HCN1: variants seen among roughly 807,000 people sequenced by gnomAD.
The protein encoded by HCN1 is potassium/sodium hyperpolarization-activated cyclic nucleotide-gated channel 1.
Under a neutral mutation model 78.9 loss-of-function variants are expected in HCN1, and 13 were observed. That is an observed-to-expected ratio of 0.16 (90% CI 0.11 to 0.26). The LOEUF (loss-of-function observed/expected upper bound fraction) is 0.26. HCN1 is among the 10% of genes least tolerant of loss of function. The pLI, the probability that HCN1 is intolerant of heterozygous loss-of-function variation, is 1.00. For missense variants in HCN1, 810 were observed against 1,154.3 expected, an observed-to-expected ratio of 0.70 and a Z score of 4.32; for synonymous variants, 552 against 455.5, an observed-to-expected ratio of 1.21 and a Z score of -2.70.
In HCN1 at chr5:45,257,536, G is replaced by A. The variant is rs1161302674; in HGVS notation, c.*4385C>T. The A allele has an allele frequency of 6.6e-6, 1 of 152,146 alleles. No individual in the cohort carries two copies. Among genetic ancestry groups the A allele is most frequent in the Non-Finnish European group, 1.5e-5 (1 of 68,030 alleles). The allele number at this position is 152,146 out of a possible 1,614,324, so 9.4% of individuals were successfully genotyped here. A position where few individuals can be genotyped will look rare whatever the true frequency, so the allele number is the denominator to read the frequency against. ...TCAAGGTGGGATGCGGGGAGTGTCAGCAAGGCTTCTCTCATTAAAAAACCT... is the reference window on the plus strand; with the variant it reads ...TCAAGGTGGGATGCGGGGAGTGTCAACAAGGCTTCTCTCATTAAAAAACCT... On this transcript the variant is annotated 3_prime_UTR_variant, in exon 8 of 8. Coordinates refer to ENST00000303230, the MANE Select transcript of HCN1 (RefSeq NM_021072.4).
chr5:45,636,313 C>T (rs1745356057), intron 2 of HCN1, among the ~76,000 whole-genome samples: 1 of 152,182 alleles, frequency 6.6e-6, no homozygotes, highest in Admixed American at 6.5e-5. Context: ...AAGCACATCA[C>T]AAATTTTGTC....
At chr5:45,487,420 T>G (rs1183264850) in intron 2 of HCN1, among the ~76,000 whole-genome samples, 1 of 152,020 alleles carries the variant, frequency 6.6e-6, no homozygotes, top group African/African-American at 2.4e-5. Context: ...ATTTAAAAGG[T>G]TAGTAGGATG....
chr5:45,361,795 T>C (rs948863933), intron 4 of HCN1, among the ~76,000 whole-genome samples: 1 of 152,166 alleles, frequency 6.6e-6, no homozygotes. Context: ...TATTATGTTT[T>C]TATTTTATAA....
intron 2 of HCN1, among the ~76,000 whole-genome samples, chr5:45,641,067 G>A (rs1580012872): frequency 6.6e-6 from 1 of 152,148 alleles, no homozygotes; most frequent in South Asian, 2.1e-4. Flanking sequence ...GATTTGATGT[G>A]ATAAGCAATA....
intron 2 of HCN1, among the ~76,000 whole-genome samples, chr5:45,511,896 G>A (rs1038458705): frequency 2.6e-5 from 4 of 152,006 alleles, no homozygotes; most frequent in African/African-American, 9.7e-5. Flanking sequence ...ACTATGCACA[G>A]TATATGAAAA....
At chr5:45,589,933 C>A (rs1241296453) in intron 2 of HCN1, among the ~76,000 whole-genome samples, 1 of 152,140 alleles carries the variant, frequency 6.6e-6, no homozygotes, top group African/African-American at 2.4e-5. Flanking sequence ...ACTGCAGCTT[C>A]CTTATCCTTG....
intron 2 of HCN1, among the ~76,000 whole-genome samples, chr5:45,477,749 T>A (rs1420948840): frequency 6.6e-6 from 1 of 151,970 alleles, no homozygotes; most frequent in Non-Finnish European, 1.5e-5. Context: ...TAGAAAATAA[T>A]GTAAAGGGCA....
intron 2 of HCN1, among the ~76,000 whole-genome samples, chr5:45,610,044 A>T (rs1179999627): frequency 1.3e-5 from 2 of 152,324 alleles, no homozygotes; most frequent in Non-Finnish European, 2.9e-5. Flanking sequence ...CCCGCAGAAG[A>T]TAGTAACTCA....
chr5:45,560,992 G>A (rs1014117107), intron 2 of HCN1, among the ~76,000 whole-genome samples: 51 of 152,028 alleles, frequency 3.4e-4, no homozygotes, highest in Middle Eastern at 6.3e-3. Context: ...TATTCAGGAT[G>A]TGCAATTCAA....
intron 3 of HCN1, among the ~76,000 whole-genome samples, chr5:45,441,139 G>T (rs1382559590): frequency 6.6e-6 from 1 of 152,086 alleles, no homozygotes; most frequent in African/African-American, 2.4e-5. Context: ...CTTGACCCAG[G>T]TTACAGTATT....
Position 45,583,493 on chromosome 5 carries a change from G to T in HCN1, c.849+61692C>A, listed in dbSNP as rs1744133031. 3.3e-5 allele frequency among the ~76,000 whole-genome samples: 5 copies of T among 152,052 alleles called. No homozygotes were observed. The South Asian group carries it at 1.0e-3, about 32-fold the overall frequency. ...AAAAACCAGCTTCTGGATTGATTGA[G>T]TTTTTGAAGGGTTTTTTGTGTCTCT... is the stretch of plus-strand genomic sequence containing the variant. On this transcript the variant is annotated intron_variant, in intron 2 of 7. Transcript: ENST00000303230.
At chr5:45,285,398 T>C (rs1351338969) in intron 6 of HCN1, among the ~76,000 whole-genome samples, 1 of 152,004 alleles carries the variant, frequency 6.6e-6, no homozygotes, top group Non-Finnish European at 1.5e-5. Context: ...ATTTTCACTC[T>C]TCTTATATTA....
chr5:45,262,162 G>A lies in HCN1; in HGVS notation c.2432C>T (p.Ser811Phe), dbSNP rs967232218. The A allele has an allele frequency of 1.9e-6, 3 of 1,613,866 alleles. No homozygotes were observed. The highest frequency in any genetic ancestry group is 4.5e-5 in the East Asian group (2 of 44,880). ...ISRPHPTVGE[S>F]LASIPQPVTA... ...CACGGGTTGAGGGATGGAGGCCAGGGACTCGCCCACAGTGGGATGAGGTCT... is the reference window on the plus strand; with the variant it reads ...CACGGGTTGAGGGATGGAGGCCAGGAACTCGCCCACAGTGGGATGAGGTCT... The change falls in exon 8 of 8, where the codon TCC becomes TTC. Residue 811 changes from serine to phenylalanine, a missense_variant. Ser to Phe is a radical substitution (Grantham distance 155). Transcript: ENST00000303230.
intron 5 of HCN1, among the ~76,000 whole-genome samples, chr5:45,352,667 T>C (rs187750483): frequency 4.8e-4 from 73 of 152,162 alleles, no homozygotes; most frequent in Middle Eastern, 3.4e-3. Flanking sequence ...TGGTTATTAA[T>C]GTTGCAAAGT....
intron 2 of HCN1, among the ~76,000 whole-genome samples, chr5:45,638,387 G>T (rs1745394154): frequency 6.6e-6 from 1 of 152,114 alleles, no homozygotes. Context: ...ATTGGGACAA[G>T]GATTGGGCTA....
chr5:45,294,899 T>G (rs967246333), intron 6 of HCN1, among the ~76,000 whole-genome samples: 1 of 152,060 alleles, frequency 6.6e-6, no homozygotes, highest in Non-Finnish European at 1.5e-5. Flanking sequence ...ACAAACTGAG[T>G]TTGAAACCTG....
chr5:45,530,366 A>G (rs1742816534), intron 2 of HCN1, among the ~76,000 whole-genome samples: 1 of 151,764 alleles, frequency 6.6e-6, no homozygotes, highest in African/African-American at 2.4e-5. Context: ...AGCAAATTTA[A>G]ATTTTTTAAT....
At chr5:45,612,607 T>C (rs1282995135) in intron 2 of HCN1, among the ~76,000 whole-genome samples, 3 of 152,184 alleles carry the variant, frequency 2.0e-5, no homozygotes, top group Non-Finnish European at 2.9e-5. Context: ...TATCAGATCA[T>C]GTTATTTTGT....
intron 2 of HCN1, among the ~76,000 whole-genome samples, chr5:45,587,722 C>T (rs916128858): frequency 2.0e-5 from 3 of 151,980 alleles, no homozygotes; most frequent in African/African-American, 4.8e-5. Flanking sequence ...AATATTAACA[C>T]CATGTTTATT....
Sources: gnomAD v4.1 joint callset for allele counts (sites outside exome capture counted in the v4.1 genomes callset) on GRCh38, gnomAD v4.1.1 for gene constraint, MANE v1.5 for transcripts, NCBI Gene and HGNC (gene_info 2026-07-23, HGNC 2026-07-21) for gene names.